The following RAPGEF2 variants were observed in gnomAD, a reference collection of about 807,000 sequenced individuals.
RAPGEF2 encodes PDZ domain containing guanine nucleotide exchange factor (GEF) 1.
In RAPGEF2, 54 loss-of-function variants were observed where a neutral mutation model predicts 186.7. The ratio of observed to expected loss-of-function variants is 0.29; its 90% CI spans 0.23 to 0.36. RAPGEF2 has a LOEUF of 0.36. RAPGEF2 is among the 10% of genes least tolerant of loss of function. The pLI is 1.00. For missense variants in RAPGEF2, 1,532 were observed against 2,045.0 expected (o/e 0.75, Z 4.84); for synonymous variants, 712 against 705.9 (o/e 1.01, Z -0.14).
chr4:159,294,631 ATTTCTTCCTTCCTTCC>A (rs1348543231), intron 7 of RAPGEF2, among the ~76,000 whole-genome samples: 13 of 85,698 alleles, frequency 1.5e-4, no homozygotes, highest in African/African-American at 3.3e-4. Flanking sequence ...TTGAGCTTCC[ATTTCTTCCTTCCTTCC>A]TTCCTTCCTT....
intron 7 of RAPGEF2, among the ~76,000 whole-genome samples, chr4:159,277,867 C>G (rs1489172064): frequency 6.6e-6 from 1 of 152,132 alleles, no homozygotes; most frequent in Non-Finnish European, 1.5e-5. Flanking sequence ...TTCTCCCGTT[C>G]TGTAGGTTGC....
At chr4:159,322,909 C>T (rs954635608) in intron 10 of RAPGEF2, among the ~76,000 whole-genome samples, 4 of 152,150 alleles carry the variant, frequency 2.6e-5, no homozygotes, top group Non-Finnish European at 5.9e-5. Context: ...TTATCTGCCA[C>T]CAGATCCTTC....
chr4:159,347,186 A>C (rs1365612519), intron 25 of RAPGEF2, among the ~76,000 whole-genome samples, 188 bp downstream of exon 25: 1 of 152,228 alleles, frequency 6.6e-6, no homozygotes, highest in African/African-American at 2.4e-5. Flanking sequence ...GGTTGTTTTT[A>C]TAAGTAATAT....
At chr4:159,113,740 C>CA (rs11311075) in intron 1 of RAPGEF2, among the ~76,000 whole-genome samples, 2,354 of 86,524 alleles carry the variant, frequency 0.027, 121 homozygotes, top group African/African-American at 0.093. Context: ...GACTCTGTCT[C>CA]AAAAAAAAAA....
intron 7 of RAPGEF2, among the ~76,000 whole-genome samples, chr4:159,244,904 A>C (rs566568888): frequency 6.6e-6 from 1 of 152,094 alleles, no homozygotes; most frequent in South Asian, 2.1e-4. Context: ...TGTAATTTTA[A>C]AATTTTAAGT....
chr4:159,329,775 A>T, intron 11 of RAPGEF2, 83 bp from the exon 12 acceptor site: 1 of 1,165,898 alleles, frequency 8.6e-7, no homozygotes. Context: ...TCAGTTTTAA[A>T]TAATTAAAAC....
At chr4:159,259,726 A>G (rs1756582849) in intron 7 of RAPGEF2, among the ~76,000 whole-genome samples, 1 of 152,192 alleles carries the variant, frequency 6.6e-6, no homozygotes, top group African/African-American at 2.4e-5. Flanking sequence ...GGTGAAAAAA[A>G]TACCACTCAT....
At chr4:159,256,172 C>T (rs1335861773) in intron 7 of RAPGEF2, among the ~76,000 whole-genome samples, 3 of 152,204 alleles carry the variant, frequency 2.0e-5, no homozygotes, top group Admixed American at 6.5e-5. Context: ...GTCAACCCAT[C>T]ACCTAGGTAT....
chr4:159,275,712 CTTA>C (rs1758771748), intron 7 of RAPGEF2, among the ~76,000 whole-genome samples: 1 of 151,974 alleles, frequency 6.6e-6, no homozygotes, highest in Non-Finnish European at 1.5e-5. Flanking sequence ...ATGGAGTCAT[CTTA>C]TTATAGGGTA....
At chr4:159,260,839 C>T (rs1477104146) in intron 7 of RAPGEF2, among the ~76,000 whole-genome samples, 3 of 152,166 alleles carry the variant, frequency 2.0e-5, no homozygotes, top group Admixed American at 6.5e-5. Context: ...ACCTCCGCCT[C>T]CCAGGTTCAA....
chr4:159,114,249 G>T (rs1267359325), intron 1 of RAPGEF2, among the ~76,000 whole-genome samples: 1 of 151,738 alleles, frequency 6.6e-6, no homozygotes, highest in Non-Finnish European at 1.5e-5. Flanking sequence ...GATTACAGGT[G>T]CACACCACCA....
intron 1 of RAPGEF2, among the ~76,000 whole-genome samples, chr4:159,166,183 G>A (rs1745292807): frequency 6.6e-6 from 1 of 151,986 alleles, no homozygotes; most frequent in South Asian, 2.1e-4. Context: ...GCGTGGTGGC[G>A]GGCACCTGTA....
At chr4:159,257,717 T>G (rs1756348459) in intron 7 of RAPGEF2, among the ~76,000 whole-genome samples, 1 of 152,196 alleles carries the variant, frequency 6.6e-6, no homozygotes, top group Non-Finnish European at 1.5e-5. Context: ...TCAGGTTTGT[T>G]GAAGATGAGA....
chr4:159,309,554 TAG>T (rs1408735504), intron 8 of RAPGEF2, among the ~76,000 whole-genome samples: 1 of 152,208 alleles, frequency 6.6e-6, no homozygotes, highest in Admixed American at 6.5e-5. Flanking sequence ...CAGAAGGTAG[TAG>T]AGTCTTGAGT....
chr4:159,141,089 G>A (rs2111162904), intron 1 of RAPGEF2, among the ~76,000 whole-genome samples: 1 of 152,204 alleles, frequency 6.6e-6, no homozygotes. Flanking sequence ...ATGAGATGCT[G>A]CGCCTGGCCT....
chr4:159,161,396 G>A (rs1744688094), intron 1 of RAPGEF2, among the ~76,000 whole-genome samples: 1 of 152,146 alleles, frequency 6.6e-6, no homozygotes, highest in Admixed American at 6.5e-5. Flanking sequence ...TTTTTGCGAA[G>A]TGTTACTTAA....
At chr4:159,337,674 G>A (rs987755556) in intron 17 of RAPGEF2, among the ~76,000 whole-genome samples, 2 of 151,632 alleles carry the variant, frequency 1.3e-5, no homozygotes, top group African/African-American at 2.4e-5. Context: ...CGGATCACAA[G>A]GTCAGGAGAT....
chr4:159,156,305 C>T (rs1397244594), intron 1 of RAPGEF2, among the ~76,000 whole-genome samples: 5 of 152,100 alleles, frequency 3.3e-5, no homozygotes, highest in Admixed American at 2.6e-4. Flanking sequence ...TTTACTGCTG[C>T]GTGTTGTTAA....
intron 4 of RAPGEF2, among the ~76,000 whole-genome samples, chr4:159,212,855 C>T (rs1750659119): frequency 6.6e-6 from 1 of 152,154 alleles, no homozygotes; most frequent in African/African-American, 2.4e-5. Context: ...CCTTGACTAC[C>T]AGCCATTATC....
Sources: gnomAD v4.1 joint callset for allele counts (sites outside exome capture counted in the v4.1 genomes callset) on GRCh38, gnomAD v4.1.1 for gene constraint, MANE v1.5 for transcripts, NCBI Gene and HGNC (gene_info 2026-07-23, HGNC 2026-07-21) for gene names.